ASPM: variants seen among roughly 807,000 people sequenced by gnomAD.
ASPM encodes abnormal spindle-like microcephaly-associated protein.
In ASPM, 256 loss-of-function variants were observed where a neutral mutation model predicts 366.4. That is an observed-to-expected ratio of 0.70 (90% confidence interval 0.63 to 0.77). The LOEUF (loss-of-function observed/expected upper bound fraction) is 0.77, where lower values mean the gene tolerates loss of function less well. Ranked by LOEUF, ASPM falls within the 30% of genes least tolerant of loss-of-function variation. The pLI is 0.00. For synonymous variants in ASPM, 1,414 were observed against 1,342.9 expected (o/e 1.05, Z -1.16); for missense variants, 4,146 against 4,090.4 (o/e 1.01, Z -0.37).
Position 197,139,878 on chromosome 1 carries a change from T to A in ASPM, c.1922-7A>T. 1 of 1,556,038 alleles carries A rather than the reference T, an allele frequency of 6.4e-7. No individual in the cohort carries two copies. Among genetic ancestry groups the A allele is most frequent in the African/African-American group, 1.4e-5 (1 of 73,792 alleles). On this transcript the variant is annotated splice_region_variant and splice_polypyrimidine_tract_variant and intron_variant, in intron 3 of 27. Coordinates refer to ENST00000367409, the MANE Select transcript of ASPM (RefSeq NM_018136.5). ...GTTCTGAATATTGATAAATCTAAAA[T>A]AAATTAGAAAACAAAACTAAGAGCA...
intron 9 of ASPM, 71 bp from the exon 10 acceptor site, chr1:197,128,736 C>T: frequency 8.2e-7 from 1 of 1,218,438 alleles, no homozygotes; most frequent in Non-Finnish European, 1.2e-6. Flanking sequence ...ACAAATCCTC[C>T]AAATCATTCT....
chr1:197,136,445 T>A (rs1163923604), intron 4 of ASPM, among the ~76,000 whole-genome samples: 1 of 152,174 alleles, frequency 6.6e-6, no homozygotes, highest in Non-Finnish European at 1.5e-5. Context: ...ATTATAAATA[T>A]GTTAGGTGGT....
chr1:197,129,312 C>G lies in ASPM; in HGVS notation c.2635G>C (p.Glu879Gln), dbSNP rs1006659537. 2 of 1,612,666 alleles carry G rather than the reference C, an allele frequency of 1.2e-6. No homozygotes were observed. The highest frequency in any genetic ancestry group is 1.3e-5 in the African/African-American group (1 of 74,854). The stretch of plus-strand genomic sequence containing the variant: ...AATGTAAACTTGGACAAAGCTTCTT[C>G]ATGACCTTAAATAAAGTACAAAAAA... ...TVPHLYRDGH[E>Q]EALSKFTLKK... is the part of the protein sequence containing the mutation. The change falls in exon 9 of 28, where the codon GAA becomes CAA. Residue 879 changes from glutamate to glutamine, a missense_variant. This residue lies in a region of ASPM where 3,624 missense variants were observed against 3,591.7 expected (regional missense o/e 1.01). Coordinates refer to ENST00000367409, the MANE Select transcript of ASPM (RefSeq NM_018136.5).
rs754272397 is a variant in ASPM, at chr1:197,143,246, T to C, written c.1006A>G (p.Thr336Ala). 47 of 1,612,474 alleles carry C rather than the reference T, an allele frequency of 2.9e-5. No individual in the cohort carries two copies. The highest frequency in any genetic ancestry group is 3.7e-5 in the Non-Finnish European group (44 of 1,178,694). ...ATAAACATATCTGATGAAAGACATG[T>C]TACTAATTCTAGTTCATTATTAGCT... is the stretch of plus-strand genomic sequence containing the variant. ...HGANNELELV[T>A]CLSSDMFMKD... Residue 336 changes from threonine (T) to alanine (A), a missense_variant, in exon 3 of 28, where the codon ACA becomes GCA. Coordinates refer to ENST00000367409, the MANE Select transcript of ASPM (RefSeq NM_018136.5).
chr1:197,131,069 C>A (rs1221087359), intron 7 of ASPM, among the ~76,000 whole-genome samples: 3 of 152,064 alleles, frequency 2.0e-5, no homozygotes, highest in Non-Finnish European at 4.4e-5. Context: ...TGTAACTTGC[C>A]AACTATTTAA....
chr1:197,146,433 G>A lies in ASPM; in HGVS notation c.5C>T (p.Ala2Val). The A allele has an allele frequency of 1.2e-6, 2 of 1,607,266 alleles. No homozygotes were observed. Among genetic ancestry groups the A allele is most frequent in the Non-Finnish European group, 1.7e-6 (2 of 1,179,452 alleles). The change falls in exon 1 of 28, where the codon GCG (alanine) becomes GTG (valine). Residue 2 changes from alanine (A) to valine (V), a missense_variant. Transcript: ENST00000367409. MANRRVGRGCWE... is the reference protein window; with the variant it reads MVNRRVGRGCWE... ...GCAGCCTCGCCCCACTCGCCGGTTC[G>A]CCATGGCAGATTCGAGACCCCTCCT...
intron 13 of ASPM, among the ~76,000 whole-genome samples, chr1:197,123,780 T>A (rs987263988): frequency 6.6e-6 from 1 of 152,194 alleles, no homozygotes; most frequent in East Asian, 1.9e-4. Flanking sequence ...AAGTTCTTAG[T>A]TGTCCCTTTC....
chr1:197,140,098 A>G (rs1422766764), intron 3 of ASPM, among the ~76,000 whole-genome samples: 1 of 152,254 alleles, frequency 6.6e-6, no homozygotes, highest in Non-Finnish European at 1.5e-5. Context: ...TACAGAGGCT[A>G]AAGTCTAGAT....
intron 27 of ASPM, among the ~76,000 whole-genome samples, chr1:197,086,294 AGAAG>A (rs1656586045): frequency 6.6e-6 from 1 of 151,984 alleles, no homozygotes; most frequent in Non-Finnish European, 1.5e-5. Flanking sequence ...GGAGGGAGAA[AGAAG>A]GAAGGGAGTA....
intron 18 of ASPM, among the ~76,000 whole-genome samples, 158 bp from the exon 19 acceptor site, chr1:197,096,322 G>A (rs1049523579): frequency 6.6e-6 from 1 of 151,752 alleles, no homozygotes; most frequent in African/African-American, 2.4e-5. Flanking sequence ...CATGTAATGA[G>A]TCTTCTGAGA....
At chr1:197,089,896 C>T (rs778463173) in intron 25 of ASPM, 34 bp downstream of exon 25, 2 of 1,600,232 alleles carry the variant, frequency 1.2e-6, no homozygotes, top group African/African-American at 1.3e-5. Flanking sequence ...ATTTGTTGAC[C>T]AGTGAATATC....
Position 197,096,014 on chromosome 1 carries a change from T to C in ASPM, c.8971A>G (p.Lys2991Glu). ...ATACATTACCGTGTTCTCTCTAGTT[T>C]GGTATAGAAGCAACCTTGAATAATT... The part of the protein sequence containing the change: ...VKIIQGCFYT[K>E]LERTRFLNVR... The change falls in exon 19 of 28, where the codon AAA (lysine) becomes GAA (glutamate). Residue 2991 changes from lysine (K) to glutamate (E), a missense_variant. Physicochemically the swap from Lys to Glu is moderately conservative, Grantham distance 56 (BLOSUM62 1). Coordinates refer to ENST00000367409, the MANE Select transcript of ASPM (RefSeq NM_018136.5). The C allele has an allele frequency of 6.2e-7, 1 of 1,608,632 alleles. No individual in the cohort carries two copies. Among genetic ancestry groups the C allele is most frequent in the Non-Finnish European group, 8.5e-7 (1 of 1,176,006 alleles).
chr1:197,142,084 T>C (rs980153427), intron 3 of ASPM, among the ~76,000 whole-genome samples: 5 of 152,178 alleles, frequency 3.3e-5, no homozygotes, highest in Non-Finnish European at 2.9e-5. Context: ...GAGATTAAAA[T>C]AGGTATGTTC....
intron 16 of ASPM, 24 bp downstream of exon 16, chr1:197,121,891 A>G: frequency 1.3e-6 from 2 of 1,583,524 alleles, no homozygotes; most frequent in Non-Finnish European, 8.7e-7. Context: ...TTCACACTAT[A>G]GTAGTTTCAT....
In ASPM at chr1:197,143,550, T is replaced by G. The variant is rs752306785; in HGVS notation, c.702A>C (p.Ala234=). The change falls in exon 3 of 28, where the codon GCA becomes GCC. Residue 234 remains alanine (A), a synonymous_variant. Transcript: ENST00000367409. ...ISPAFNECHG[A]TCLPLSVRRS... is the part of the protein sequence containing the mutation. The stretch of plus-strand genomic sequence containing the variant: ...GACGTACAGAGAGTGGCAAGCAAGT[T>G]GCACCATGGCATTCATTGAAAGCAG... 2 of 1,613,856 alleles carry G rather than the reference T, an allele frequency of 1.2e-6. No homozygotes were observed. Among genetic ancestry groups the G allele is most frequent in the East Asian group, 4.5e-5 (2 of 44,878 alleles).
Position 197,103,913 on chromosome 1 carries a change from C to T in ASPM, c.5338G>A (p.Val1780Ile). 1 of 1,612,738 alleles carries T rather than the reference C, an allele frequency of 6.2e-7. No individual in the cohort carries two copies. Among genetic ancestry groups the T allele is most frequent in the African/African-American group, 1.3e-5 (1 of 74,928 alleles). ...TATGCATGATAGTAATTCTGAATGA[C>T]AATAATTGCTTTATACATTTTCAGA... ...YYLKMYKAIIVIQNYYHAYKA... is the reference protein window; with the variant it reads ...YYLKMYKAIIIIQNYYHAYKA... Residue 1780 changes from valine to isoleucine, a missense_variant, in exon 18 of 28, where the codon GTC (valine) becomes ATC (isoleucine). Physicochemically the swap from Val to Ile is conservative, Grantham distance 29. Coordinates refer to ENST00000367409, the MANE Select transcript of ASPM (RefSeq NM_018136.5).
rs887006443 is a variant in ASPM, at chr1:197,096,039, T to G, written c.8946A>C (p.Lys2982Asn). The G allele has an allele frequency of 6.2e-7, 1 of 1,609,378 alleles. No homozygotes were observed. Among genetic ancestry groups the G allele is most frequent in the African/African-American group, 1.3e-5 (1 of 74,722 alleles). Reference protein sequence around the residue: ...KEYLAILKAVKIIQGCFYTKL... With the variant: ...KEYLAILKAVNIIQGCFYTKL... ...TGGTATAGAAGCAACCTTGAATAAT[T>G]TTAACAGCTTTTAATATAGCTAGAT... The change falls in exon 19 of 28, where the codon AAA becomes AAC. Residue 2982 changes from lysine (K) to asparagine (N), a missense_variant. Physicochemically the swap from Lys to Asn is moderately conservative, Grantham distance 94. Around this residue, in one of 3 missense-constraint regions of ASPM, gnomAD observed 3,624 missense variants for 3,591.7 expected, o/e 1.01. Transcript: ENST00000367409.
chr1:197,090,072 C>G lies in ASPM; in HGVS notation c.9842G>C (p.Arg3281Thr). 1 of 1,612,914 alleles carries G rather than the reference C, an allele frequency of 6.2e-7. No individual in the cohort carries two copies. The change falls in exon 25 of 28, where the codon AGA becomes ACA. Residue 3281 changes from arginine (R) to threonine (T), a missense_variant. By Grantham distance (71) the Arg-to-Thr change is moderately conservative. Around this residue, in one of 3 missense-constraint regions of ASPM, gnomAD observed 3,624 missense variants for 3,591.7 expected, o/e 1.01. Coordinates refer to ENST00000367409, the MANE Select transcript of ASPM (RefSeq NM_018136.5). ...EALKHLEVVTRLSPLCCENMA... is the reference protein window; with the variant it reads ...EALKHLEVVTTLSPLCCENMA... ...GTTCTCACAACAAAGTGGAGACAATCTAGTAACTACCTCTGAAAGAAAAAA... is the reference window on the plus strand; with the variant it reads ...GTTCTCACAACAAAGTGGAGACAATGTAGTAACTACCTCTGAAAGAAAAAA...
At chr1:197,105,214 A>G in intron 17 of ASPM, 29 bp from the exon 18 acceptor site, 2 of 1,517,764 alleles carry the variant, frequency 1.3e-6, no homozygotes, top group East Asian at 2.3e-5. Flanking sequence ...GACACAAAGT[A>G]AAATAGGCAT....
Sources: allele counts gnomAD v4.1 joint callset (sites outside exome capture counted in the v4.1 genomes callset), GRCh38; gene constraint gnomAD v4.1.1; regional missense constraint gnomAD v4.1.1; transcripts MANE v1.5; gene names NCBI Gene and HGNC (gene_info 2026-07-23, HGNC 2026-07-21).